The following FGD5 variants were observed in gnomAD, a reference collection of about 807,000 sequenced individuals.
FGD5 encodes the protein FYVE, RhoGEF and PH domain containing 5.
A neutral mutation model predicts 133.4 loss-of-function variants in FGD5; 28 were observed. The ratio of observed to expected loss-of-function variants is 0.21; its 90% CI spans 0.16 to 0.29. The LOEUF is 0.29. Ranked by LOEUF, FGD5 falls within the 10% of genes least tolerant of loss-of-function variation. FGD5 has a pLI of 1.00. For synonymous variants in FGD5, 810 were observed against 776.5 expected, an observed-to-expected ratio of 1.04 and a Z score of -0.72; for missense variants, 1,858 against 1,895.2, an observed-to-expected ratio of 0.98 and a Z score of 0.36.
chr3:14,890,191 A>T (rs2038000777), intron 4 of FGD5, among the ~76,000 whole-genome samples: 1 of 152,036 alleles, frequency 6.6e-6, no homozygotes, highest in South Asian at 2.1e-4. Flanking sequence ...TCTGCCTGGG[A>T]TGCTTACCTC....
At chr3:14,825,258 G>C (rs2036578697) in intron 1 of FGD5, among the ~76,000 whole-genome samples, 1 of 152,064 alleles carries the variant, frequency 6.6e-6, no homozygotes, top group South Asian at 2.1e-4. Context: ...TATTACCTAT[G>C]TCCATTTTTT....
chr3:14,897,397 T>C, intron 4 of FGD5, 112 bp from the exon 5 acceptor site: 2 of 1,275,408 alleles, frequency 1.6e-6, no homozygotes, highest in Non-Finnish European at 2.2e-6. Flanking sequence ...GCTTAAGTCC[T>C]CACTGCTGTC....
chr3:14,897,248 T>G, intron 4 of FGD5: 3 of 430,852 alleles, frequency 7.0e-6, no homozygotes, highest in Non-Finnish European at 8.2e-6. Flanking sequence ...GAGAGGAGAG[T>G]GAGTGTGTGT....
chr3:14,849,002 A>G (rs1195256111), intron 1 of FGD5, among the ~76,000 whole-genome samples: 8 of 152,190 alleles, frequency 5.3e-5, no homozygotes, highest in Non-Finnish European at 1.2e-4. Context: ...CATCCTCTGA[A>G]AATGCTTCTT....
At chr3:14,887,950 A>G (rs925979818) in intron 4 of FGD5, among the ~76,000 whole-genome samples, 3 of 152,042 alleles carry the variant, frequency 2.0e-5, no homozygotes, top group African/African-American at 4.8e-5. Flanking sequence ...AAGATTGTTT[A>G]AGGCCAGGAG....
Position 14,820,523 on chromosome 3 carries a change from C to T in FGD5, c.1452C>T (p.Pro484=), listed in dbSNP as rs2036469300. The change falls in exon 1 of 20, where the codon CCC becomes CCT. Residue 484 remains proline (P), a synonymous_variant. Coordinates refer to ENST00000285046, the MANE Select transcript of FGD5 (RefSeq NM_152536.4). ...AGAACACCAGCACGAGGGTCCGGCC[C>T]CACTCTGGGAAGGTGGCCGGCTATG... is the stretch of plus-strand genomic sequence containing the variant. ...DRKNTSTRVR[P]HSGKVAGYVP... 3 of 1,613,780 alleles carry T rather than the reference C, an allele frequency of 1.9e-6. No homozygotes were observed. Among genetic ancestry groups the T allele is most frequent in the African/African-American group, 2.7e-5 (2 of 74,930 alleles).
chr3:14,891,038 G>A (rs188797178), intron 4 of FGD5, among the ~76,000 whole-genome samples: 30 of 152,356 alleles, frequency 2.0e-4, no homozygotes, highest in Admixed American at 3.3e-4. Context: ...AAATGAGAGT[G>A]TGTTGAAAGC....
chr3:14,930,282 GTCC>G (rs1433203325), intron 18 of FGD5, among the ~76,000 whole-genome samples: 1 of 152,188 alleles, frequency 6.6e-6, no homozygotes, highest in African/African-American at 2.4e-5. Context: ...GGTTGTGTAA[GTCC>G]TCCAACCTAG....
At chr3:14,842,316 G>A (rs2036939334) in intron 1 of FGD5, among the ~76,000 whole-genome samples, 1 of 152,206 alleles carries the variant, frequency 6.6e-6, no homozygotes, top group South Asian at 2.1e-4. Flanking sequence ...CAGGGCCTAG[G>A]CACAGGCATG....
intron 10 of FGD5, among the ~76,000 whole-genome samples, chr3:14,909,509 CTG>C (rs1397151707): frequency 6.6e-6 from 1 of 152,228 alleles, no homozygotes; most frequent in African/African-American, 2.4e-5. Context: ...AGCCTTATAA[CTG>C]TGGTCATCTG....
chr3:14,827,187 A>G (rs2036614889), intron 1 of FGD5, among the ~76,000 whole-genome samples: 1 of 152,102 alleles, frequency 6.6e-6, no homozygotes. Context: ...TGGCCAAACC[A>G]AGGTCAGAAC....
At chr3:14,848,876 A>G (rs916911817) in intron 1 of FGD5, among the ~76,000 whole-genome samples, 1 of 152,106 alleles carries the variant, frequency 6.6e-6, no homozygotes, top group Non-Finnish European at 1.5e-5. Context: ...AGGTCAGCAA[A>G]CACTTTCCAG....
intron 2 of FGD5, among the ~76,000 whole-genome samples, chr3:14,880,252 G>T (rs777372702): frequency 6.6e-6 from 1 of 152,170 alleles, no homozygotes; most frequent in Non-Finnish European, 1.5e-5. Flanking sequence ...TACTCAGGAG[G>T]CTGAGGTAGG....
intron 1 of FGD5, among the ~76,000 whole-genome samples, chr3:14,837,184 C>T (rs1168770762): frequency 1.3e-5 from 2 of 152,198 alleles, no homozygotes; most frequent in Non-Finnish European, 2.9e-5. Context: ...CCTGCGTGCC[C>T]TTGCCATCTT....
intron 13 of FGD5, among the ~76,000 whole-genome samples, chr3:14,921,611 T>G (rs1192035788): frequency 1.3e-5 from 2 of 152,224 alleles, no homozygotes; most frequent in Non-Finnish European, 2.9e-5. Flanking sequence ...CTAATGTCTC[T>G]TGCTTTTGCA....
At chr3:14,893,925 T>G (rs2038084722) in intron 4 of FGD5, among the ~76,000 whole-genome samples, 1 of 151,848 alleles carries the variant, frequency 6.6e-6, no homozygotes, top group Non-Finnish European at 1.5e-5. Context: ...ACCTGGCTAA[T>G]TTTTGTATTT....
chr3:14,894,696 A>G (rs73030279), intron 4 of FGD5, among the ~76,000 whole-genome samples: 2,608 of 134,516 alleles, frequency 0.019, 39 homozygotes, highest in Non-Finnish European at 0.031. Context: ...TTTTTTTTAG[A>G]TACGAGATCT....
At position 14,898,027 on chromosome 3, in the gene FGD5, T is replaced by C; in HGVS notation, c.2998T>C (p.Tyr1000His). Residue 1000 changes from tyrosine (Y) to histidine (H), a missense_variant, in exon 6 of 20, where the codon TAC becomes CAC. Around this residue, in one of 3 missense-constraint regions of FGD5, gnomAD observed 1,824 missense variants for 1,848.9 expected, o/e 0.99. Coordinates refer to ENST00000285046, the MANE Select transcript of FGD5 (RefSeq NM_152536.4). ...CACTCACATCCTGCAGTTCGACAGGTACCTAGGTCTGCTCAGTGAGAATTG... is the reference window on the plus strand; with the variant it reads ...CACTCACATCCTGCAGTTCGACAGGCACCTAGGTCTGCTCAGTGAGAATTG... The part of the protein sequence containing the change: ...HATHILQFDR[Y>H]LGLLSENCLH... The C allele has an allele frequency of 6.2e-7, 1 of 1,613,960 alleles. No homozygotes were observed. Among genetic ancestry groups the C allele is most frequent in the Non-Finnish European group, 8.5e-7 (1 of 1,179,882 alleles).
At chr3:14,890,644 TTG>T (rs1391712334) in intron 4 of FGD5, among the ~76,000 whole-genome samples, 1 of 152,160 alleles carries the variant, frequency 6.6e-6, no homozygotes, top group African/African-American at 2.4e-5. Flanking sequence ...GAACGGATGT[TTG>T]TGACAATTCT....
Sources: gnomAD v4.1 joint callset for allele counts (sites outside exome capture counted in the v4.1 genomes callset) on GRCh38, gnomAD v4.1.1 for gene constraint, gnomAD v4.1.1 regional missense constraint, MANE v1.5 for transcripts, NCBI Gene and HGNC (gene_info 2026-07-23, HGNC 2026-07-21) for gene names.